GALNTL6: variants seen among roughly 807,000 people sequenced by gnomAD.
GALNTL6 encodes the protein polypeptide N-acetylgalactosaminyltransferase like 6.
Under a neutral mutation model 73.7 loss-of-function variants are expected in GALNTL6, and 46 were observed. That is an observed-to-expected ratio of 0.62 (90% confidence interval 0.49 to 0.80). The LOEUF is 0.80. GALNTL6 is among the 30% of genes least tolerant of loss of function. GALNTL6 has a pLI of 0.00. For synonymous variants in GALNTL6, 259 were observed against 263.7 expected (o/e 0.98, Z 0.17); for missense variants, 604 against 755.0 (o/e 0.80, Z 2.34).
At chr4:172,739,960 A>G (rs998154323) in intron 5 of GALNTL6, among the ~76,000 whole-genome samples, 1 of 152,062 alleles carries the variant, frequency 6.6e-6, no homozygotes, top group Non-Finnish European at 1.5e-5. Flanking sequence ...AAAACTTACA[A>G]GGATGGCTAC....
intron 7 of GALNTL6, among the ~76,000 whole-genome samples, chr4:172,862,195 G>A (rs968149084): frequency 5.3e-5 from 8 of 152,180 alleles, no homozygotes; most frequent in African/African-American, 1.9e-4. Context: ...TAGTGATATG[G>A]ACAATAAAGT....
intron 5 of GALNTL6, among the ~76,000 whole-genome samples, chr4:172,707,264 T>A (rs1370671583): frequency 6.6e-6 from 1 of 152,176 alleles, no homozygotes; most frequent in African/African-American, 2.4e-5. Flanking sequence ...TTCAAAAAAT[T>A]CTTCAACTTT....
chr4:172,935,271 A>G (rs910159816), intron 9 of GALNTL6, among the ~76,000 whole-genome samples: 4 of 152,222 alleles, frequency 2.6e-5, no homozygotes, highest in Non-Finnish European at 5.9e-5. Flanking sequence ...TGTAAGAAAC[A>G]TCAGAGAATG....
intron 5 of GALNTL6, among the ~76,000 whole-genome samples, chr4:172,458,812 T>C (rs970667895): frequency 3.3e-5 from 5 of 152,200 alleles, no homozygotes; most frequent in African/African-American, 1.2e-4. Context: ...CCATTCCTTC[T>C]GAAACTATTC....
chr4:172,689,024 A>G (rs1327826442), intron 5 of GALNTL6, among the ~76,000 whole-genome samples: 1 of 152,128 alleles, frequency 6.6e-6, no homozygotes, highest in African/African-American at 2.4e-5. Flanking sequence ...CACACTACCA[A>G]TTAGAATATT....
At chr4:171,869,667 C>G (rs1736080617) in intron 2 of GALNTL6, among the ~76,000 whole-genome samples, 1 of 152,090 alleles carries the variant, frequency 6.6e-6, no homozygotes. Context: ...TGGCTGTGTC[C>G]TCACCCAAAT....
At chr4:172,184,813 A>G (rs6553615) in intron 2 of GALNTL6, among the ~76,000 whole-genome samples, 8 of 152,212 alleles carry the variant, frequency 5.3e-5, no homozygotes, top group African/African-American at 1.4e-4. Flanking sequence ...GGCAAAAGGT[A>G]GAAGGACAAG....
intron 5 of GALNTL6, among the ~76,000 whole-genome samples, chr4:172,761,804 G>A (rs1343884340): frequency 1.3e-5 from 2 of 152,056 alleles, no homozygotes; most frequent in Non-Finnish European, 2.9e-5. Flanking sequence ...TGTTAAGCCT[G>A]TAGAACTGTG....
At chr4:171,965,184 T>G (rs1400720960) in intron 2 of GALNTL6, among the ~76,000 whole-genome samples, 6 of 152,338 alleles carry the variant, frequency 3.9e-5, no homozygotes, top group Middle Eastern at 3.4e-3. Flanking sequence ...CCATAAATAT[T>G]TGTTGAATCA....
At chr4:171,880,480 TAATTAAC>T (rs1367202310) in intron 2 of GALNTL6, among the ~76,000 whole-genome samples, 1 of 152,224 alleles carries the variant, frequency 6.6e-6, no homozygotes, top group Admixed American at 6.5e-5. Flanking sequence ...GAAAGGCTGT[TAATTAAC>T]AAAAGACACT....
At chr4:172,729,536 C>A (rs1282076303) in intron 5 of GALNTL6, among the ~76,000 whole-genome samples, 1 of 152,042 alleles carries the variant, frequency 6.6e-6, no homozygotes, top group Non-Finnish European at 1.5e-5. Flanking sequence ...TGAAGATAAG[C>A]AGGCTGTAAG....
At chr4:172,187,223 T>TA (rs979785355) in intron 2 of GALNTL6, among the ~76,000 whole-genome samples, 3 of 152,156 alleles carry the variant, frequency 2.0e-5, no homozygotes, top group South Asian at 4.1e-4. Flanking sequence ...AATGAAATTT[T>TA]AAAAAAATCC....
Position 171,831,220 on chromosome 4 carries a change from G to A in GALNTL6, c.138+16502G>A, listed in dbSNP as rs536123063. ...TAGGTTCATTTGAATTAGCAGTCAC[G>A]TAGCAGAAACGTAGAAGCAAGGAGA... On this transcript the variant is annotated intron_variant, in intron 2 of 12. Transcript: ENST00000506823. Among the ~76,000 whole-genome samples, 33 of 152,042 alleles carry A rather than the reference G, an allele frequency of 2.2e-4. 1 individual carries two copies. The highest frequency in any genetic ancestry group is 3.9e-4 in the Admixed American group (6 of 15,240).
chr4:172,254,862 G>A (rs922220523), intron 3 of GALNTL6, among the ~76,000 whole-genome samples: 1 of 151,560 alleles, frequency 6.6e-6, no homozygotes, highest in African/African-American at 2.4e-5. Flanking sequence ...CTTTCCCCCT[G>A]TTTCAGATGG....
intron 2 of GALNTL6, among the ~76,000 whole-genome samples, chr4:172,020,365 C>A (rs762879117): frequency 7.2e-6 from 1 of 138,718 alleles, no homozygotes. Flanking sequence ...ATCAAAGAAA[C>A]AAAAGGTTGC....
At chr4:172,835,949 C>T (rs1742890650) in intron 7 of GALNTL6, among the ~76,000 whole-genome samples, 1 of 152,158 alleles carries the variant, frequency 6.6e-6, no homozygotes, top group African/African-American at 2.4e-5. Flanking sequence ...CTCTATGATG[C>T]CCAAAGTTCA....
chr4:172,911,268 A>C (rs547335093), intron 8 of GALNTL6, among the ~76,000 whole-genome samples: 33 of 152,350 alleles, frequency 2.2e-4, no homozygotes, highest in African/African-American at 6.3e-4. Flanking sequence ...AATGCTTTGT[A>C]CACATGGTTT....
At chr4:172,953,029 G>A (rs1749536886) in intron 10 of GALNTL6, among the ~76,000 whole-genome samples, 1 of 152,152 alleles carries the variant, frequency 6.6e-6, no homozygotes, top group Non-Finnish European at 1.5e-5. Flanking sequence ...TTCCCCTCCA[G>A]GCTATGCTAT....
intron 2 of GALNTL6, among the ~76,000 whole-genome samples, chr4:171,958,245 G>A (rs1252070723): frequency 6.6e-6 from 1 of 152,222 alleles, no homozygotes; most frequent in East Asian, 1.9e-4. Flanking sequence ...GATATCCACA[G>A]ATATTGAAGG....
Sources: allele counts gnomAD v4.1 joint callset (sites outside exome capture counted in the v4.1 genomes callset), GRCh38; gene constraint gnomAD v4.1.1; transcripts MANE v1.5; gene names NCBI Gene and HGNC (gene_info 2026-07-23, HGNC 2026-07-21).